The following ELOVL4 variants were observed in gnomAD, a reference collection of about 807,000 sequenced individuals.
The protein encoded by ELOVL4 is ELOVL fatty acid elongase 4.
A neutral mutation model predicts 42.1 loss-of-function variants in ELOVL4; 18 were observed. The observed-to-expected ratio is 0.43, with a 90% confidence interval of 0.30 to 0.63. The LOEUF (loss-of-function observed/expected upper bound fraction) is 0.63, where lower values mean the gene tolerates loss of function less well. ELOVL4 is among the 30% of genes least tolerant of loss of function. The pLI is 0.15. For synonymous variants in ELOVL4, 117 were observed against 127.0 expected (o/e 0.92, Z 0.53); for missense variants, 299 against 376.2 (o/e 0.79, Z 1.70).
At chr6:79,918,337 C>T (rs1256285963) in intron 5 of ELOVL4, among the ~76,000 whole-genome samples, 1 of 152,136 alleles carries the variant, frequency 6.6e-6, no homozygotes, top group Non-Finnish European at 1.5e-5. Context: ...TTGGGTATGG[C>T]ATCACTCAAG....
At chr6:79,936,362 T>C (rs547465023) in intron 1 of ELOVL4, among the ~76,000 whole-genome samples, 22 of 152,324 alleles carry the variant, frequency 1.4e-4, no homozygotes, top group African/African-American at 4.6e-4. Context: ...TACTAAGTGA[T>C]ATTAAAAATC....
At chr6:79,932,895 T>C (rs1053754119) in intron 1 of ELOVL4, among the ~76,000 whole-genome samples, 10 of 142,502 alleles carry the variant, frequency 7.0e-5, no homozygotes, top group Non-Finnish European at 1.5e-4. Context: ...ATTTGAACTT[T>C]TTTTCAAAGA....
In ELOVL4 at chr6:79,928,997, C is replaced by A. The variant is rs201598425; in HGVS notation, c.101-2616G>T. 2.0e-5 allele frequency among the ~76,000 whole-genome samples: 3 copies of A among 152,046 alleles called. No homozygotes were observed. The East Asian group carries it at 5.8e-4, about 29-fold the overall frequency. On this transcript the variant is annotated intron_variant, in intron 1 of 5. Coordinates refer to ENST00000369816, the MANE Select transcript of ELOVL4 (RefSeq NM_022726.4). The stretch of plus-strand genomic sequence containing the variant: ...GAAGGAAAGAGGCACTAGTAAGAAG[C>A]CACCATGACCAGCTGACTGGCTGAG...
chr6:79,923,019 T>A (rs980360637), intron 3 of ELOVL4, among the ~76,000 whole-genome samples: 1 of 152,172 alleles, frequency 6.6e-6, no homozygotes, highest in Admixed American at 6.5e-5. Context: ...AAAGTAACTG[T>A]CACCATTTTG....
intron 3 of ELOVL4, among the ~76,000 whole-genome samples, chr6:79,924,736 G>A (rs1188488816): frequency 6.6e-6 from 1 of 152,168 alleles, no homozygotes; most frequent in Non-Finnish European, 1.5e-5. Flanking sequence ...TTGGGAGGCT[G>A]AGGCAGAAGG....
chr6:79,921,305 C>T (rs982534356), intron 4 of ELOVL4, among the ~76,000 whole-genome samples: 3 of 150,868 alleles, frequency 2.0e-5, no homozygotes, highest in Non-Finnish European at 3.0e-5. Context: ...ACTAAAAATA[C>T]AAAAAATTAG....
chr6:79,940,154 G>GT (rs1774622721), intron 1 of ELOVL4, among the ~76,000 whole-genome samples: 1 of 152,118 alleles, frequency 6.6e-6, no homozygotes. Context: ...AGAAAAGCTT[G>GT]TTTCTTGGAA....
rs758594170 is a variant in ELOVL4 at position 79,926,278 on chromosome 6, C to T, written c.204G>A (p.Lys68=). The stretch of plus-strand genomic sequence containing the variant: ...GACGCATCTGAAAAGGTTCTCGGTC[C>T]TTCATCCATTTTGGACCCAGCCACA... ...LFVWLGPKWM[K]DREPFQMRLV... Residue 68 remains lysine, a synonymous_variant, in exon 2 of 6, where the codon AAG becomes AAA. Coordinates refer to ENST00000369816, the MANE Select transcript of ELOVL4 (RefSeq NM_022726.4). 2.6e-5 allele frequency: 42 copies of T among 1,613,758 alleles called. 1 individual carries two copies. The South Asian group carries it at 4.3e-4, about 16-fold the overall frequency.
intron 1 of ELOVL4, among the ~76,000 whole-genome samples, chr6:79,945,024 G>A (rs1472999624): frequency 8.1e-5 from 12 of 148,670 alleles, no homozygotes; most frequent in Non-Finnish European, 1.6e-4. Context: ...AACACGAGGG[G>A]CATAGAATGA....
chr6:79,941,275 G>T (rs982323515), intron 1 of ELOVL4, among the ~76,000 whole-genome samples: 1 of 152,148 alleles, frequency 6.6e-6, no homozygotes, highest in Non-Finnish European at 1.5e-5. Flanking sequence ...AAAGGAACTT[G>T]TCCAAACTCT....
intron 3 of ELOVL4, 144 bp from the exon 4 acceptor site, chr6:79,921,940 A>G: frequency 1.3e-6 from 1 of 783,954 alleles, no homozygotes; most frequent in Non-Finnish European, 2.1e-6. Flanking sequence ...AGTAGGTTTG[A>G]AAAACCTAAG....
At position 79,947,305 on chromosome 6, in the gene ELOVL4, C is replaced by CAA; in HGVS notation, c.-27_-26insTT. On this transcript the variant is annotated 5_prime_UTR_variant, in exon 1 of 6. Coordinates refer to ENST00000369816, the MANE Select transcript of ELOVL4 (RefSeq NM_022726.4). ...CGCGGCGATGAGCGGGCGCTGGCGG[C>CAA]AGGAGAAAGCGGAGACCCAGAGAGA... The CAA allele has an allele frequency of 6.3e-7, 1 of 1,581,362 alleles. No individual in the cohort carries two copies.
intron 1 of ELOVL4, among the ~76,000 whole-genome samples, chr6:79,942,062 A>G (rs1774656287): frequency 6.6e-6 from 1 of 152,166 alleles, no homozygotes; most frequent in African/African-American, 2.4e-5. Flanking sequence ...TTCTGGTAAA[A>G]GGTATCTGGA....
At chr6:79,936,624 G>A (rs1374432624) in intron 1 of ELOVL4, among the ~76,000 whole-genome samples, 1 of 152,174 alleles carries the variant, frequency 6.6e-6, no homozygotes, top group Non-Finnish European at 1.5e-5. Flanking sequence ...TGTAGACAAC[G>A]GTTGTCAAGA....
At chr6:79,931,274 G>T (rs1032804292) in intron 1 of ELOVL4, among the ~76,000 whole-genome samples, 3 of 151,726 alleles carry the variant, frequency 2.0e-5, no homozygotes, top group Non-Finnish European at 2.9e-5. Flanking sequence ...AGCCTTTCAC[G>T]TTGTCATGTA....
At chr6:79,921,452 T>TC (rs550184429) in intron 4 of ELOVL4, among the ~76,000 whole-genome samples, 173 bp downstream of exon 4, 92 of 80,384 alleles carry the variant, frequency 1.1e-3, no homozygotes, top group African/African-American at 4.5e-3. Context: ...AGAGCGAGAC[T>TC]CCATCTCAAA....
In ELOVL4 at chr6:79,921,739, C is replaced by A. The variant is rs1487482309; in HGVS notation, c.427G>T (p.Val143Leu). 1 of 1,614,050 alleles carries A rather than the reference C, an allele frequency of 6.2e-7. No individual in the cohort carries two copies. Among genetic ancestry groups the A allele is most frequent in the Admixed American group, 1.7e-5 (1 of 60,022 alleles). The change falls in exon 4 of 6, where the codon GTG (valine) becomes TTG (leucine). Residue 143 changes from valine (V) to leucine (L), a missense_variant. Physicochemically the swap from Val to Leu is conservative, Grantham distance 32 (BLOSUM62 1). Transcript: ENST00000369816. The part of the protein sequence containing the change: ...VSKGVEYLDT[V>L]FFILRKKNNQ... ...TTTTTCTTTCTCAGAATAAAAAACACTGTGTCCAAATACTCAACTCCTTTA... is the reference window on the plus strand; with the variant it reads ...TTTTTCTTTCTCAGAATAAAAAACAATGTGTCCAAATACTCAACTCCTTTA...
At chr6:79,920,266 C>T (rs1490581806) in intron 4 of ELOVL4, among the ~76,000 whole-genome samples, 2 of 152,148 alleles carry the variant, frequency 1.3e-5, no homozygotes, top group Admixed American at 6.5e-5. Flanking sequence ...GTGAACTATA[C>T]TATAATGACT....
chr6:79,947,178 A>G lies in ELOVL4; in HGVS notation c.100+2T>C. The G allele has an allele frequency of 6.2e-7, 1 of 1,611,498 alleles. No individual in the cohort carries two copies. The highest frequency in any genetic ancestry group is 1.7e-4 in the Middle Eastern group (1 of 6,056). On this transcript the variant is annotated splice_donor_variant, in intron 1 of 5. Transcript: ENST00000369816. LOFTEE classifies it high-confidence loss of function. ...CGAGGATGGGGAAGTCAGCGGCTTT[A>G]CCTGCGATGGACCAGGTCCAGCGGT... is the stretch of plus-strand genomic sequence containing the variant.
Sources: allele counts gnomAD v4.1 joint callset (sites outside exome capture counted in the v4.1 genomes callset), GRCh38; gene constraint gnomAD v4.1.1; transcripts MANE v1.5; gene names NCBI Gene and HGNC (gene_info 2026-07-23, HGNC 2026-07-21).